ME3: variants seen among roughly 807,000 people sequenced by gnomAD.
ME3 encodes NADP-dependent malic enzyme, mitochondrial.
ME3 carries 48 observed loss-of-function variants against 68.9 expected under a neutral mutation model. The ratio of observed to expected loss-of-function variants is 0.70; its 90% confidence interval spans 0.55 to 0.89. The LOEUF (loss-of-function observed/expected upper bound fraction) is 0.89. ME3 is among the 40% of genes least tolerant of loss of function. The pLI, the probability that ME3 is intolerant of heterozygous loss-of-function variation, is 0.00. For synonymous variants in ME3, 320 were observed against 318.8 expected, an observed-to-expected ratio of 1.00 and a Z score of -0.04; for missense variants, 675 against 797.4, an observed-to-expected ratio of 0.85 and a Z score of 1.85.
intron 4 of ME3, among the ~76,000 whole-genome samples, chr11:86,545,894 T>G (rs1400988987): frequency 2.6e-5 from 4 of 152,286 alleles, no homozygotes; most frequent in Middle Eastern, 3.4e-3. Context: ...GGAGGCATCA[T>G]GCTACCTGAC....
At chr11:86,652,125 G>T (rs1037232074) in intron 2 of ME3, among the ~76,000 whole-genome samples, 1 of 152,172 alleles carries the variant, frequency 6.6e-6, no homozygotes, top group South Asian at 2.1e-4. Flanking sequence ...TGACTGGTAT[G>T]CCTGAAAGTG....
Position 86,458,185 on chromosome 11 carries a change from GTGTT to G in ME3, c.919+6902_919+6905del, listed in dbSNP as rs1950043872. ...TCATTTATTCATTAGTATGTGCTGA[GTGTT>G]TGTTCTGGGCCTTCTCTGGGCTAGG... On this transcript the variant is annotated intron_variant, in intron 8 of 14. Coordinates refer to ENST00000543262, the Ensembl canonical transcript of ME3. Among the ~76,000 whole-genome samples, 3 of 152,336 alleles carry G rather than the reference GTGTT, an allele frequency of 2.0e-5. No individual in the cohort carries two copies. The South Asian group carries it at 6.2e-4, about 32-fold the overall frequency.
At chr11:86,672,063 G>C in intron 1 of ME3, 105 bp from the exon 2 acceptor site, 1 of 934,610 alleles carries the variant, frequency 1.1e-6, no homozygotes, top group South Asian at 2.6e-5. Context: ...CTCTGGGAGA[G>C]GGCAGGTGCT....
At chr11:86,525,650 G>A (rs943248928) in intron 4 of ME3, among the ~76,000 whole-genome samples, 3 of 152,226 alleles carry the variant, frequency 2.0e-5, no homozygotes, top group East Asian at 3.9e-4. Context: ...ATCACCTGAG[G>A]TCAGGAGTTC....
intron 4 of ME3, among the ~76,000 whole-genome samples, chr11:86,543,559 G>C (rs1275410580): frequency 6.6e-6 from 1 of 152,022 alleles, no homozygotes. Flanking sequence ...GACCAAAAAG[G>C]GCATTACATA....
At chr11:86,672,424 C>A (rs1442614137) in exon 1 of ME3, 1 of 153,848 alleles carries the variant, frequency 6.5e-6, no homozygotes, top group Non-Finnish European at 1.4e-5. Context: ...GGGTGGACCG[C>A]GCTGGCGGCC....
At chr11:86,489,455 G>A (rs1951870797) in intron 6 of ME3, among the ~76,000 whole-genome samples, 2 of 152,186 alleles carry the variant, frequency 1.3e-5, no homozygotes, top group African/African-American at 2.4e-5. Context: ...TGCCTCCAAT[G>A]TGTCATGTAC....
At chr11:86,605,110 T>G (rs1961432310) in intron 2 of ME3, among the ~76,000 whole-genome samples, 1 of 152,260 alleles carries the variant, frequency 6.6e-6, no homozygotes, top group Non-Finnish European at 1.5e-5. Context: ...TATGTGAATT[T>G]TTATGTACAG....
intron 8 of ME3, among the ~76,000 whole-genome samples, chr11:86,461,720 A>G (rs1334754356): frequency 6.6e-6 from 1 of 152,134 alleles, no homozygotes; most frequent in Admixed American, 6.5e-5. Flanking sequence ...CAGCTGGGCA[A>G]CAAGTCTTTC....
chr11:86,586,608 A>G (rs1958748967), intron 2 of ME3, among the ~76,000 whole-genome samples: 1 of 152,178 alleles, frequency 6.6e-6, no homozygotes, highest in South Asian at 2.1e-4. Flanking sequence ...TCAATAATTG[A>G]AAGGTGGTAA....
At chr11:86,618,412 T>C (rs989867334) in intron 2 of ME3, among the ~76,000 whole-genome samples, 2 of 150,074 alleles carry the variant, frequency 1.3e-5, no homozygotes, top group Non-Finnish European at 3.0e-5. Flanking sequence ...ACATCAAAAA[T>C]TCTTATAGAG....
At chr11:86,487,478 G>A (rs770121216) in intron 6 of ME3, 38 bp from the exon 7 acceptor site, 20 of 1,537,860 alleles carry the variant, frequency 1.3e-5, no homozygotes, top group South Asian at 9.4e-5. Flanking sequence ...GCCTACTCCC[G>A]GTGTTCCTGT....
chr11:86,660,343 G>C (rs571732720), intron 2 of ME3, among the ~76,000 whole-genome samples: 2 of 152,304 alleles, frequency 1.3e-5, no homozygotes, highest in East Asian at 1.9e-4. Context: ...CCCACACAGG[G>C]CTTCACAATG....
chr11:86,458,534 G>C (rs1044664709), intron 8 of ME3, among the ~76,000 whole-genome samples: 1 of 152,136 alleles, frequency 6.6e-6, no homozygotes. Flanking sequence ...GGGAGATCTC[G>C]GAGGAGCCAG....
At chr11:86,605,815 C>A (rs1295070553) in intron 2 of ME3, among the ~76,000 whole-genome samples, 2 of 151,986 alleles carry the variant, frequency 1.3e-5, no homozygotes, top group East Asian at 3.9e-4. Context: ...GGTTAGAGCT[C>A]AAACCCAGAC....
At chr11:86,657,611 A>G (rs1168558616) in intron 2 of ME3, among the ~76,000 whole-genome samples, 1 of 152,212 alleles carries the variant, frequency 6.6e-6, no homozygotes, top group African/African-American at 2.4e-5. Flanking sequence ...CCAGAACTTC[A>G]GTATAATAAT....
chr11:86,608,430 A>G (rs1194139091), intron 2 of ME3, among the ~76,000 whole-genome samples: 4 of 152,224 alleles, frequency 2.6e-5, no homozygotes, highest in African/African-American at 7.2e-5. Flanking sequence ...TGTTGAATCG[A>G]TTCGGGGAAA....
At chr11:86,580,155 A>G (rs553851735) in intron 2 of ME3, among the ~76,000 whole-genome samples, 1 of 152,248 alleles carries the variant, frequency 6.6e-6, no homozygotes, top group East Asian at 1.9e-4. Context: ...GTTCCTTTCC[A>G]TTCTTGATTT....
At chr11:86,542,510 C>G (rs1457366770) in intron 4 of ME3, among the ~76,000 whole-genome samples, 1 of 152,088 alleles carries the variant, frequency 6.6e-6, no homozygotes, top group Non-Finnish European at 1.5e-5. Flanking sequence ...ATGAACAATA[C>G]ACAAGTATCA....
Sources: allele counts gnomAD v4.1 joint callset (sites outside exome capture counted in the v4.1 genomes callset), GRCh38; gene constraint gnomAD v4.1.1; transcripts MANE v1.5; gene names NCBI Gene and HGNC (gene_info 2026-07-23, HGNC 2026-07-21).